Variants in PARG observed in about 807,000 individuals in gnomAD.
PARG encodes mitochondrial poly(ADP-ribose) glycohydrolase.
A neutral mutation model predicts 113.0 loss-of-function variants in PARG; 35 were observed. That is an observed-to-expected ratio of 0.31 (90% confidence interval 0.24 to 0.41). The LOEUF (loss-of-function observed/expected upper bound fraction) is 0.41, where lower values mean the gene tolerates loss of function less well. Among genes scored for constraint, PARG ranks in the 10% least tolerant of loss-of-function variants. The probability of loss-of-function intolerance (pLI) is 1.00; values close to 1 mark genes in which losing one functional copy is unlikely to be tolerated. For synonymous variants in PARG, 330 were observed against 409.9 expected, an observed-to-expected ratio of 0.81 and a Z score of 2.36; for missense variants, 797 against 1,169.4, an observed-to-expected ratio of 0.68 and a Z score of 4.64.
rs141848014 is a variant in PARG at position 49,844,418 on chromosome 10, T to C, written c.2354-786A>G. Among the ~76,000 whole-genome samples, 1,133 of 151,978 alleles carry C rather than the reference T, an allele frequency of 7.5e-3. 14 individuals carry two copies. The highest frequency in any genetic ancestry group is 0.025 in the African/African-American group (1,054 of 41,488). ...CTGGTGGATCACCTGAGGTCAGAAGTTCGAGACCAGCTTGGCCAACATGGT... is the reference window on the plus strand; with the variant it reads ...CTGGTGGATCACCTGAGGTCAGAAGCTCGAGACCAGCTTGGCCAACATGGT... On this transcript the variant is annotated intron_variant, in intron 13 of 17. Coordinates refer to ENST00000616448, the MANE Select transcript of PARG (RefSeq NM_003631.5).
At chr10:49,850,413 T>C (rs1168974502) in intron 13 of PARG, among the ~76,000 whole-genome samples, 3 of 151,628 alleles carry the variant, frequency 2.0e-5, no homozygotes, top group African/African-American at 7.3e-5. Context: ...ATAAGACAAG[T>C]AAAAAATTCA....
chr10:49,881,927 G>A (rs1326714513), intron 8 of PARG, among the ~76,000 whole-genome samples: 6 of 152,242 alleles, frequency 3.9e-5, no homozygotes, highest in Admixed American at 1.3e-4. Flanking sequence ...ACCAAGCAAC[G>A]AGTTTAGAAA....
chr10:49,921,504 T>C (rs1837869583), intron 6 of PARG, among the ~76,000 whole-genome samples: 1 of 152,028 alleles, frequency 6.6e-6, no homozygotes, highest in Admixed American at 6.5e-5. Flanking sequence ...TACATTATGA[T>C]ATAACATATC....
At position 49,819,096 on chromosome 10, in the gene PARG, A is replaced by G. The variant is rs1325110733; in HGVS notation, c.*244T>C. 5.6e-6 allele frequency: 2 copies of G among 354,896 alleles called. No individual in the cohort carries two copies. Among genetic ancestry groups the G allele is most frequent in the Non-Finnish European group, 5.1e-6 (1 of 196,658 alleles). The allele number at this position is 354,896 out of a possible 1,614,324, so 22.0% of individuals were successfully genotyped here. ...TGGACAAAAGAAATAAACATCAAAGAATGAAAAACTGAAATAGAAGAAAAT... is the reference window on the plus strand; with the variant it reads ...TGGACAAAAGAAATAAACATCAAAGGATGAAAAACTGAAATAGAAGAAAAT... On this transcript the variant is annotated 3_prime_UTR_variant, in exon 18 of 18. Coordinates refer to ENST00000616448, the MANE Select transcript of PARG (RefSeq NM_003631.5).
chr10:49,864,352 TA>T (rs1289337021), intron 11 of PARG, among the ~76,000 whole-genome samples: 5 of 152,012 alleles, frequency 3.3e-5, no homozygotes, highest in Non-Finnish European at 7.4e-5. Flanking sequence ...TCTTCTGAAG[TA>T]AATTTCTTTA....
At chr10:49,861,686 CTTAT>C (rs1846261853) in intron 11 of PARG, 23 bp from the exon 12 acceptor site, 2 of 824,842 alleles carry the variant, frequency 2.4e-6, no homozygotes, top group Non-Finnish European at 4.1e-6. Context: ...AAGACATTCC[CTTAT>C]TTATTATTTT....
intron 7 of PARG, among the ~76,000 whole-genome samples, chr10:49,895,701 C>T (rs1472699356): frequency 2.6e-5 from 4 of 152,178 alleles, no homozygotes; most frequent in East Asian, 1.9e-4. Flanking sequence ...CCACCGCGCC[C>T]GGCCGAGAAC....
At chr10:49,906,824 T>C (rs1848614790) in intron 7 of PARG, among the ~76,000 whole-genome samples, 1 of 152,124 alleles carries the variant, frequency 6.6e-6, no homozygotes, top group Admixed American at 6.6e-5. Context: ...GAGGTGAGTC[T>C]GGGATGAGAC....
At chr10:49,904,642 C>A (rs1432912094) in intron 7 of PARG, among the ~76,000 whole-genome samples, 1 of 151,678 alleles carries the variant, frequency 6.6e-6, no homozygotes, top group South Asian at 2.1e-4. Context: ...AGGTCAGGCA[C>A]GATAGCTCAT....
chr10:49,904,562 G>A (rs1212689317), intron 7 of PARG, among the ~76,000 whole-genome samples: 3 of 151,888 alleles, frequency 2.0e-5, no homozygotes, highest in Admixed American at 1.3e-4. Context: ...GCATGCCTGG[G>A]AGTGGGGGAT....
intron 10 of PARG, among the ~76,000 whole-genome samples, chr10:49,868,868 A>G (rs1161200083): frequency 6.6e-6 from 1 of 151,698 alleles, no homozygotes; most frequent in African/African-American, 2.4e-5. Flanking sequence ...AAACTTGACC[A>G]TGGTCATTCA....
intron 4 of PARG, among the ~76,000 whole-genome samples, chr10:49,924,626 G>A (rs1838059947): frequency 6.7e-6 from 1 of 150,244 alleles, no homozygotes; most frequent in South Asian, 2.1e-4. Context: ...ATGGGAACGG[G>A]TGGTTGGACA....
chr10:49,890,924 A>C (rs1443814302), intron 7 of PARG, among the ~76,000 whole-genome samples: 2 of 152,262 alleles, frequency 1.3e-5, no homozygotes, highest in Non-Finnish European at 2.9e-5. Flanking sequence ...TTAATAAGTG[A>C]AATCTGTAGC....
intron 7 of PARG, among the ~76,000 whole-genome samples, chr10:49,895,718 C>G (rs1291626204): frequency 6.6e-6 from 1 of 152,016 alleles, no homozygotes; most frequent in Non-Finnish European, 1.5e-5. Flanking sequence ...GAACTGATAT[C>G]TTAACCACAC....
intron 14 of PARG, among the ~76,000 whole-genome samples, chr10:49,842,597 A>G (rs1440746700): frequency 6.6e-6 from 1 of 152,260 alleles, no homozygotes; most frequent in Non-Finnish European, 1.5e-5. Flanking sequence ...TATTTTTAAA[A>G]TAACAAAGAC....
chr10:49,927,369 G>GGAAGGAAA (rs1838239988), intron 4 of PARG, among the ~76,000 whole-genome samples: 2 of 130,676 alleles, frequency 1.5e-5, no homozygotes, highest in African/African-American at 3.1e-5. Flanking sequence ...AAGGAAAGAA[G>GGAAGGAAA]GAAAGAAAGA....
rs781859480 is a variant in PARG, at chr10:49,843,627, C to T, written c.2359G>A (p.Glu787Lys). ...TAGCCTGTGTATTCACTGTACTGCT[C>T]AGTACCTGAAACAAACAATCTGTCA... is the stretch of plus-strand genomic sequence containing the variant. ...HNECLIITGTEQYSEYTGYAE... is the reference protein window; with the variant it reads ...HNECLIITGTKQYSEYTGYAE... Residue 787 changes from glutamate (E) to lysine (K), a missense_variant, in exon 14 of 18, where the codon GAG becomes AAG. Coordinates refer to ENST00000616448, the MANE Select transcript of PARG (RefSeq NM_003631.5). The T allele has an allele frequency of 6.5e-7, 1 of 1,547,892 alleles. No homozygotes were observed. Among genetic ancestry groups the T allele is most frequent in the South Asian group, 1.2e-5 (1 of 83,984 alleles).
intron 15 of PARG, 60 bp downstream of exon 15, chr10:49,841,890 A>T: frequency 9.6e-7 from 1 of 1,038,596 alleles, no homozygotes; most frequent in Non-Finnish European, 1.4e-6. Context: ...TTTCAGCATT[A>T]ATAAAATGGC....
chr10:49,859,158 A>G (rs1177720305), intron 12 of PARG, among the ~76,000 whole-genome samples: 2 of 149,560 alleles, frequency 1.3e-5, no homozygotes, highest in Admixed American at 6.7e-5. Context: ...GCAAAAAAAA[A>G]AAACAAATGT....
Sources: gnomAD v4.1 joint callset for allele counts (sites outside exome capture counted in the v4.1 genomes callset) on GRCh38, gnomAD v4.1.1 for gene constraint, MANE v1.5 for transcripts, NCBI Gene and HGNC (gene_info 2026-07-23, HGNC 2026-07-21) for gene names.